The following FRMPD4 variants were observed in gnomAD, a reference collection of about 807,000 sequenced individuals.
FRMPD4 encodes FERM and PDZ domain-containing protein 4.
In FRMPD4, 22 loss-of-function variants were observed where a neutral mutation model predicts 94.1. The ratio of observed to expected loss-of-function variants is 0.23; its 90% CI spans 0.17 to 0.33. The LOEUF (loss-of-function observed/expected upper bound fraction) is 0.33, where lower values mean the gene tolerates loss of function less well. FRMPD4 is among the 10% of genes least tolerant of loss of function. The pLI is 1.00. For missense variants in FRMPD4, 1,111 were observed against 1,339.9 expected (o/e 0.83, Z 2.67); for synonymous variants, 631 against 548.6 (o/e 1.15, Z -2.10).
chrX:12,565,086 C>A (rs370526226), intron 2 of FRMPD4, among the ~76,000 whole-genome samples: 8 of 100,565 alleles, frequency 8.0e-5, no homozygotes, highest in African/African-American at 1.1e-4. Context: ...GACTCAGTCT[C>A]AAAAAAAAAA....
At chrX:12,377,335 C>G in intron 1 of FRMPD4, among the ~76,000 whole-genome samples, 2 of 112,185 alleles carry the variant, frequency 1.8e-5, no homozygotes, top group East Asian at 5.6e-4. Flanking sequence ...CCTGCACTGC[C>G]GGTAACAGGT....
chrX:12,641,744 A>G (rs2059501517), intron 4 of FRMPD4, among the ~76,000 whole-genome samples: 1 of 112,588 alleles, frequency 8.9e-6, no homozygotes, highest in Admixed American at 9.4e-5. Context: ...TTAACTAGAA[A>G]AAGATCATTG....
intron 1 of FRMPD4, among the ~76,000 whole-genome samples, chrX:12,245,512 C>CT (rs566550884): frequency 0.31 from 20,592 of 67,419 alleles, 3,335 homozygotes; most frequent in Non-Finnish European, 0.38. Flanking sequence ...CTTATGTCCT[C>CT]TTTTTTTTTT....
intron 1 of FRMPD4, among the ~76,000 whole-genome samples, chrX:12,173,829 A>G (rs969073664): frequency 2.7e-5 from 3 of 110,944 alleles, no homozygotes; most frequent in Non-Finnish European, 5.7e-5. Flanking sequence ...CCTCTGCAGC[A>G]CACAAGTCCA....
chrX:12,578,557 T>TA (rs1207093442), intron 2 of FRMPD4, among the ~76,000 whole-genome samples: 2 of 70,972 alleles, frequency 2.8e-5, no homozygotes, highest in Non-Finnish European at 5.1e-5. Flanking sequence ...TATTCTGAGA[T>TA]ATATATATAC....
intron 1 of FRMPD4, among the ~76,000 whole-genome samples, chrX:12,227,264 G>C (rs1382785502): frequency 9.0e-6 from 1 of 110,749 alleles, no homozygotes; most frequent in Admixed American, 9.6e-5. Flanking sequence ...TGTATCGCCA[G>C]AACTTAGTGG....
In FRMPD4 at chrX:12,690,396, TC is replaced by T. The variant is rs1206300112; in HGVS notation, c.813+75del. ...CAGAGGTTGCCCAGTCCAAGATTTC[TC>T]CCCCACTCTAATCCTGTAAATGTAT... On this transcript the variant is annotated intron_variant, in intron 8 of 16. Coordinates refer to ENST00000675598, the MANE Select transcript of FRMPD4 (RefSeq NM_001368397.1). The T allele has an allele frequency of 1.4e-4, 129 of 917,818 alleles. No individual in the cohort carries two copies. In the Middle Eastern group the frequency reaches 2.4e-3, roughly 17 times the overall value. 75.6% of individuals were successfully genotyped at this position (917,818 alleles called of 1,213,427 possible).
At chrX:12,544,891 G>T (rs1257091528) in intron 2 of FRMPD4, among the ~76,000 whole-genome samples, 1 of 112,004 alleles carries the variant, frequency 8.9e-6, no homozygotes, top group Non-Finnish European at 1.9e-5. Flanking sequence ...TCTACAAAAA[G>T]ACTGCAAACC....
chrX:11,934,472 T>C (rs1236624882), intron 3 of FRMPD4, among the ~76,000 whole-genome samples: 4 of 111,745 alleles, frequency 3.6e-5, no homozygotes, highest in Non-Finnish European at 7.5e-5. Flanking sequence ...GAAGTCTCCA[T>C]GGTAAGGGTA....
At chrX:12,165,531 A>G (rs1001364089) in intron 1 of FRMPD4, among the ~76,000 whole-genome samples, 3 of 111,686 alleles carry the variant, frequency 2.7e-5, no homozygotes, top group African/African-American at 6.5e-5. Context: ...TTGGCAATGT[A>G]GGCTCTTTTT....
chrX:12,109,278 A>G (rs1339042019), intron 3 of FRMPD4, among the ~76,000 whole-genome samples: 1 of 111,960 alleles, frequency 8.9e-6, no homozygotes, highest in Admixed American at 9.5e-5. Flanking sequence ...CTCACTCAAA[A>G]CTGCTCAACT....
intron 1 of FRMPD4, among the ~76,000 whole-genome samples, chrX:12,456,760 TA>T (rs1286951701): frequency 8.8e-6 from 1 of 113,074 alleles, no homozygotes; most frequent in South Asian, 3.6e-4. Flanking sequence ...CAGTAGATAA[TA>T]AAAAAATTAG....
chrX:12,442,841 A>G (rs933434445), intron 1 of FRMPD4, among the ~76,000 whole-genome samples: 19 of 112,260 alleles, frequency 1.7e-4, no homozygotes, highest in Non-Finnish European at 2.6e-4. Context: ...AGATATTCAT[A>G]AAGTGATGAA....
chrX:12,439,807 C>T (rs953599087), intron 1 of FRMPD4, among the ~76,000 whole-genome samples: 4 of 111,469 alleles, frequency 3.6e-5, no homozygotes, highest in African/African-American at 9.8e-5. Flanking sequence ...GTTAAAATGC[C>T]GTATTTTGAC....
At chrX:12,176,330 C>T (rs887479025) in intron 1 of FRMPD4, among the ~76,000 whole-genome samples, 2 of 111,544 alleles carry the variant, frequency 1.8e-5, no homozygotes, top group East Asian at 2.8e-4. Flanking sequence ...CAAAATACTT[C>T]GTATTCCTTT....
chrX:12,687,542 G>A (rs1316569767), intron 7 of FRMPD4, among the ~76,000 whole-genome samples: 1 of 111,754 alleles, frequency 8.9e-6, no homozygotes, highest in Admixed American at 9.5e-5. Flanking sequence ...GGTGGGTTTG[G>A]TTAGTCCTTA....
chrX:12,609,705 T>C lies in FRMPD4; in HGVS notation c.159-16T>C, dbSNP rs1392838509. The C allele has an allele frequency of 8.4e-7, 1 of 1,196,066 alleles. No homozygotes were observed. The highest frequency in any genetic ancestry group is 1.7e-5 in the African/African-American group (1 of 57,651). Reference sequence around the variant, plus strand: ...ACATTGATGCCTTGTTTCTCTTGTATGTGCTTTCTCCACAGTCACATGACA... The same window carrying C: ...ACATTGATGCCTTGTTTCTCTTGTACGTGCTTTCTCCACAGTCACATGACA... On this transcript the variant is annotated splice_polypyrimidine_tract_variant and intron_variant, in intron 2 of 16. Coordinates refer to ENST00000675598, the MANE Select transcript of FRMPD4 (RefSeq NM_001368397.1).
intron 2 of FRMPD4, among the ~76,000 whole-genome samples, chrX:12,576,448 T>C (rs891453841): frequency 8.9e-6 from 1 of 112,958 alleles, no homozygotes; most frequent in African/African-American, 3.2e-5. Flanking sequence ...GGCAGTCATC[T>C]GTCCAGAGAA....
chrX:12,628,149 A>G (rs1015517981), intron 4 of FRMPD4, among the ~76,000 whole-genome samples: 3 of 111,880 alleles, frequency 2.7e-5, no homozygotes, highest in African/African-American at 9.8e-5. Context: ...CTCAGGCCAC[A>G]CACTCAGATG....
Sources: gnomAD v4.1 joint callset for allele counts (sites outside exome capture counted in the v4.1 genomes callset) on GRCh38, gnomAD v4.1.1 for gene constraint, MANE v1.5 for transcripts, NCBI Gene and HGNC (gene_info 2026-07-23, HGNC 2026-07-21) for gene names.